BACH2: variants seen among roughly 807,000 people sequenced by gnomAD.
The protein encoded by BACH2 is transcription regulator protein BACH2.
BACH2 carries 5 observed loss-of-function variants against 61.8 expected under a neutral mutation model. That is an observed-to-expected ratio of 0.08 (90% CI 0.04 to 0.17). The LOEUF (loss-of-function observed/expected upper bound fraction) is 0.17, where lower values mean the gene tolerates loss of function less well. Ranked by LOEUF, BACH2 falls within the 10% of genes least tolerant of loss-of-function variation. The pLI is 1.00. For synonymous variants in BACH2, 446 were observed against 440.1 expected (o/e 1.01, Z -0.17); for missense variants, 824 against 1,091.1 (o/e 0.76, Z 3.45).
intron 7 of BACH2, among the ~76,000 whole-genome samples, chr6:89,940,818 A>C (rs1773379552): frequency 6.6e-6 from 1 of 151,814 alleles, no homozygotes; most frequent in African/African-American, 2.4e-5. Context: ...CTTCCAACAT[A>C]TAGCTAATAT....
At chr6:90,245,555 T>C (rs1430950318) in intron 3 of BACH2, among the ~76,000 whole-genome samples, 1 of 152,170 alleles carries the variant, frequency 6.6e-6, no homozygotes, top group Non-Finnish European at 1.5e-5. Context: ...CAGAACGAGA[T>C]CCCATCTCTG....
intron 5 of BACH2, among the ~76,000 whole-genome samples, chr6:90,058,667 T>G (rs1374675673): frequency 2.0e-5 from 3 of 151,988 alleles, no homozygotes; most frequent in Non-Finnish European, 2.9e-5. Context: ...CATCGCCAAG[T>G]CAATCCTAAG....
At chr6:90,129,386 C>CAGGT (rs759538362) in intron 4 of BACH2, among the ~76,000 whole-genome samples, 4 of 152,022 alleles carry the variant, frequency 2.6e-5, no homozygotes, top group Non-Finnish European at 4.4e-5. Flanking sequence ...GTTTGTTACA[C>CAGGT]AGGTGTACAC....
chr6:90,060,090 C>G (rs910694034), intron 5 of BACH2, among the ~76,000 whole-genome samples: 2 of 150,088 alleles, frequency 1.3e-5, no homozygotes, highest in Non-Finnish European at 3.0e-5. Context: ...CGAAGCTGCA[C>G]GTCGTGCACA....
chr6:89,939,656 C>CTTTTTTT (rs71298713), intron 7 of BACH2, among the ~76,000 whole-genome samples: 3 of 82,628 alleles, frequency 3.6e-5, no homozygotes, highest in African/African-American at 4.8e-5. Context: ...GCTTATATTT[C>CTTTTTTT]TTTTTTTTTT....
chr6:89,942,161 G>A (rs1187223667), intron 7 of BACH2, among the ~76,000 whole-genome samples: 2 of 152,236 alleles, frequency 1.3e-5, no homozygotes, highest in African/African-American at 2.4e-5. Flanking sequence ...ACTGACATGC[G>A]GGGGTCTCTG....
At chr6:90,087,977 ATTT>A (rs1303952105) in intron 5 of BACH2, among the ~76,000 whole-genome samples, 1 of 142,138 alleles carries the variant, frequency 7.0e-6, no homozygotes, top group Non-Finnish European at 1.5e-5. Context: ...CATTCTTTCT[ATTT>A]TTTTTTTTTT....
intron 4 of BACH2, among the ~76,000 whole-genome samples, chr6:90,163,117 C>A (rs1414679848): frequency 6.6e-6 from 1 of 152,134 alleles, no homozygotes; most frequent in Non-Finnish European, 1.5e-5. Flanking sequence ...ACAAACACAC[C>A]AGACTTTGGC....
intron 1 of BACH2, among the ~76,000 whole-genome samples, chr6:90,274,980 G>C (rs1258325553): frequency 6.6e-6 from 1 of 152,150 alleles, no homozygotes; most frequent in South Asian, 2.1e-4. Flanking sequence ...ATGTCACTGG[G>C]TCCAAACGCA....
At chr6:90,195,436 T>A (rs1415549718) in intron 4 of BACH2, among the ~76,000 whole-genome samples, 2 of 152,202 alleles carry the variant, frequency 1.3e-5, no homozygotes, top group Non-Finnish European at 2.9e-5. Context: ...TAAATCACCT[T>A]GGATTTTTCT....
At chr6:90,058,629 A>C (rs1173137204) in intron 5 of BACH2, among the ~76,000 whole-genome samples, 1 of 152,084 alleles carries the variant, frequency 6.6e-6, no homozygotes, top group African/African-American at 2.4e-5. Flanking sequence ...ACTACTTTCA[A>C]GTTCATATGG....
chr6:90,272,559 T>C (rs953539094), intron 1 of BACH2, among the ~76,000 whole-genome samples: 3 of 152,222 alleles, frequency 2.0e-5, no homozygotes, highest in African/African-American at 7.2e-5. Flanking sequence ...CCTTCATTTC[T>C]TGCTGCAACA....
rs567153095 is a variant in BACH2 at position 90,239,788 on chromosome 6, G to T, written c.-275+12725C>A. 3.3e-3 allele frequency among the ~76,000 whole-genome samples: 441 copies of T among 133,816 alleles called. 1 individual carries two copies. The highest frequency in any genetic ancestry group is 0.012 in the African/African-American group (420 of 34,366). 87.8% of individuals were successfully genotyped at this position (133,816 alleles called of 152,430 possible). ...TGACATGCATGATCTCCATAGTAAG[G>T]GGGGGGGAATACACACACACACACA... On this transcript the variant is annotated intron_variant, in intron 3 of 8. Transcript: ENST00000257749.
intron 3 of BACH2, among the ~76,000 whole-genome samples, chr6:90,246,372 T>C (rs1770638398): frequency 6.6e-6 from 1 of 152,244 alleles, no homozygotes; most frequent in Admixed American, 6.5e-5. Flanking sequence ...TGTTGTCTAC[T>C]GAAAACAATA....
At chr6:90,101,317 G>A (rs1220624685) in intron 4 of BACH2, among the ~76,000 whole-genome samples, 2 of 152,112 alleles carry the variant, frequency 1.3e-5, no homozygotes, top group South Asian at 4.1e-4. Context: ...ACTGCCTAAC[G>A]CAAGGTCACA....
At chr6:90,203,438 G>A (rs1321556099) in intron 4 of BACH2, among the ~76,000 whole-genome samples, 4 of 142,596 alleles carry the variant, frequency 2.8e-5, no homozygotes, top group Non-Finnish European at 4.6e-5. Flanking sequence ...TAATTATGAA[G>A]TTTTTGATCA....
intron 4 of BACH2, among the ~76,000 whole-genome samples, chr6:90,159,236 T>C (rs1483371824): frequency 6.6e-6 from 1 of 152,054 alleles, no homozygotes; most frequent in Non-Finnish European, 1.5e-5. Context: ...CCATGGCAAA[T>C]CAGGTCTGCA....
rs1772668669 is a variant in BACH2 at position 89,931,928 on chromosome 6, CATATGGAT to C, written c.*472_*479del. 1 of 103,026 alleles carries C rather than the reference CATATGGAT, an allele frequency of 9.7e-6. No individual in the cohort carries two copies. Among genetic ancestry groups the C allele is most frequent in the Non-Finnish European group, 1.8e-5 (1 of 54,288 alleles). 6.4% of individuals were successfully genotyped at this position (103,026 alleles called of 1,614,324 possible). A position where few individuals can be genotyped will look rare whatever the true frequency, so the allele number is the denominator to read the frequency against. On this transcript the variant is annotated 3_prime_UTR_variant, in exon 9 of 9. Transcript: ENST00000257749. The stretch of plus-strand genomic sequence containing the variant: ...AAAGTTGAGGCATGCAGGACTTTTG[CATATGGAT>C]ATATATATATATATATATATATTTT...
chr6:90,264,563 A>G (rs1771265305), intron 2 of BACH2, among the ~76,000 whole-genome samples: 1 of 152,212 alleles, frequency 6.6e-6, no homozygotes, highest in African/African-American at 2.4e-5. Flanking sequence ...GCATTTCTTG[A>G]GCATCACATA....
Sources: allele counts gnomAD v4.1 joint callset (sites outside exome capture counted in the v4.1 genomes callset), GRCh38; gene constraint gnomAD v4.1.1; transcripts MANE v1.5; gene names NCBI Gene and HGNC (gene_info 2026-07-23, HGNC 2026-07-21).